Variants in WTAP observed in about 807,000 individuals in gnomAD.
WTAP encodes the protein WT1 associated protein.
Under a neutral mutation model 50.0 loss-of-function variants are expected in WTAP, and 8 were observed. The observed-to-expected ratio is 0.16, with a 90% CI of 0.09 to 0.29. The LOEUF (loss-of-function observed/expected upper bound fraction) is 0.29, where lower values mean the gene tolerates loss of function less well. Ranked by LOEUF, WTAP falls within the 10% of genes least tolerant of loss-of-function variation. The probability of loss-of-function intolerance (pLI) is 1.00; values close to 1 mark genes in which losing one functional copy is unlikely to be tolerated. For missense variants in WTAP, 295 were observed against 470.7 expected, an observed-to-expected ratio of 0.63 and a Z score of 3.45; for synonymous variants, 194 against 169.0, an observed-to-expected ratio of 1.15 and a Z score of -1.15.
At chr6:159,741,433 A>G (rs1037424374) in intron 3 of WTAP, among the ~76,000 whole-genome samples, 4 of 152,328 alleles carry the variant, frequency 2.6e-5, no homozygotes, top group Middle Eastern at 3.4e-3. Flanking sequence ...AGAACCTTCA[A>G]TTCTACATAA....
At chr6:159,726,881 G>A (rs1349807716), upstream of WTAP, 25 of 1,289,076 alleles carry the variant, frequency 1.9e-5, no homozygotes, top group Middle Eastern at 2.1e-4. Flanking sequence ...GTAAACGCCC[G>A]CGGCTCGCCG....
rs59155073 is a variant in WTAP, at chr6:159,736,450, A to G, written c.30+155A>G. The G allele has an allele frequency of 0.04, 24,445 of 609,076 alleles. 1,040 individuals carry two copies. Among genetic ancestry groups the G allele is most frequent in the African/African-American group, 0.15 (8,061 of 54,280 alleles). The allele number at this position is 609,076 out of a possible 1,614,324, so 37.7% of individuals were successfully genotyped here. A position where few individuals can be genotyped will look rare whatever the true frequency, so the allele number is the denominator to read the frequency against. On this transcript the variant is annotated intron_variant, in intron 2 of 7. Coordinates refer to ENST00000621533, the MANE Select transcript of WTAP (RefSeq NM_001270531.2). Reference sequence around the variant, plus strand: ...AACAATAATAGCATTGGAGTTGTACAGTGTGCCAGATATTGTATCTTATAT... The same window carrying G: ...AACAATAATAGCATTGGAGTTGTACGGTGTGCCAGATATTGTATCTTATAT...
chr6:159,731,141 AAAAAAAAG>A (rs528180055), intron 1 of WTAP, among the ~76,000 whole-genome samples: 240 of 151,416 alleles, frequency 1.6e-3, no homozygotes, highest in African/African-American at 5.5e-3. Flanking sequence ...ACTACGTCTC[AAAAAAAAG>A]AAAAAAAGAA....
In WTAP at chr6:159,735,440, G is replaced by A. The variant is rs547117762; in HGVS notation, c.-8-818G>A. On this transcript the variant is annotated intron_variant, in intron 1 of 7. Transcript: ENST00000621533. ...AGTCGTGAGCCATCACGCCCAACCA[G>A]TGTAACATATATTTTAAAATATGTA... is the stretch of plus-strand genomic sequence containing the variant. 7.0e-4 allele frequency among the ~76,000 whole-genome samples: 107 copies of A among 152,286 alleles called. 1 individual carries two copies. Among genetic ancestry groups the A allele is most frequent in the African/African-American group, 2.6e-3 (107 of 41,562 alleles).
chr6:159,730,657 G>A (rs1021928945), intron 1 of WTAP, among the ~76,000 whole-genome samples: 5 of 152,208 alleles, frequency 3.3e-5, no homozygotes, highest in African/African-American at 1.2e-4. Context: ...CTTTTCATCA[G>A]ATTAAAGTTG....
intron 5 of WTAP, chr6:159,745,145 A>G (rs1397972557): frequency 2.6e-5 from 4 of 152,210 alleles, no homozygotes; most frequent in Admixed American, 1.3e-4. Context: ...GACTGCTAGC[A>G]CTTGGGAGAT....
At chr6:159,738,551 T>A (rs1779057581) in intron 2 of WTAP, among the ~76,000 whole-genome samples, 1 of 152,236 alleles carries the variant, frequency 6.6e-6, no homozygotes, top group Admixed American at 6.5e-5. Flanking sequence ...CATGTTTTCA[T>A]TTCTTTGAGA....
At position 159,755,791 on chromosome 6, in the gene WTAP, G is replaced by C. The variant is rs1444545373; in HGVS notation, c.*180G>C. On this transcript the variant is annotated 3_prime_UTR_variant, in exon 8 of 8. Coordinates refer to ENST00000621533, the MANE Select transcript of WTAP (RefSeq NM_001270531.2). ...TTTTTTTTTTTTTTTTTTTTTTTTT[G>C]CTTCAATACTTCTGCCGCTTTGGAA... 3 of 419,552 alleles carry C rather than the reference G, an allele frequency of 7.2e-6. No homozygotes were observed. The highest frequency in any genetic ancestry group is 7.5e-5 in the African/African-American group (1 of 13,368). 26.0% of individuals were successfully genotyped at this position (419,552 alleles called of 1,614,324 possible). A position where few individuals can be genotyped will look rare whatever the true frequency, so the allele number is the denominator to read the frequency against.
At chr6:159,727,118 G>A (rs572165912), upstream of WTAP, 3 of 1,193,676 alleles carry the variant, frequency 2.5e-6, no homozygotes, top group African/African-American at 1.6e-5. Flanking sequence ...CCCCTCGGCC[G>A]CTTCCCTTAC....
intron 6 of WTAP, chr6:159,749,395 A>T: frequency 1.0e-6 from 1 of 983,906 alleles, no homozygotes; most frequent in African/African-American, 1.8e-5. Flanking sequence ...TGCACTCTTG[A>T]TATTAAATTA....
At chr6:159,746,558 A>G (rs899301314) in intron 5 of WTAP, among the ~76,000 whole-genome samples, 4 of 152,204 alleles carry the variant, frequency 2.6e-5, no homozygotes, top group Non-Finnish European at 5.9e-5. Flanking sequence ...CTTTGTCTAC[A>G]TGCAGTCTTT....
At chr6:159,730,426 T>C (rs1461114047) in intron 1 of WTAP, among the ~76,000 whole-genome samples, 1 of 152,176 alleles carries the variant, frequency 6.6e-6, no homozygotes, top group Non-Finnish European at 1.5e-5. Flanking sequence ...TTTAGGTTAT[T>C]GTGTTTGTCA....
chr6:159,755,674 T>G lies in WTAP; in HGVS notation c.*63T>G, dbSNP rs1562469407. The stretch of plus-strand genomic sequence containing the variant: ...TTGGGAGAGGATACTGTCCAGAAAA[T>G]TAATGCATACTTTTGTCACAATTTG... On this transcript the variant is annotated 3_prime_UTR_variant, in exon 8 of 8. Transcript: ENST00000621533. 12 of 1,399,004 alleles carry G rather than the reference T, an allele frequency of 8.6e-6. No homozygotes were observed. Among genetic ancestry groups the G allele is most frequent in the Non-Finnish European group, 1.1e-5 (12 of 1,077,364 alleles). 86.7% of individuals were successfully genotyped at this position (1,399,004 alleles called of 1,614,324 possible). A position where few individuals can be genotyped will look rare whatever the true frequency, so the allele number is the denominator to read the frequency against.
chr6:159,742,177 G>A, intron 4 of WTAP, 31 bp downstream of exon 4: 1 of 1,520,950 alleles, frequency 6.6e-7, no homozygotes, highest in Non-Finnish European at 9.0e-7. Flanking sequence ...CCTAAAGACT[G>A]AATAATCTCC....
intron 5 of WTAP, among the ~76,000 whole-genome samples, chr6:159,745,965 T>C (rs184990501): frequency 1.8e-4 from 27 of 152,080 alleles, no homozygotes; most frequent in Admixed American, 1.0e-3. Flanking sequence ...TTGTCTTGTT[T>C]GACTGAGTAA....
intron 3 of WTAP, 129 bp downstream of exon 3, chr6:159,739,174 T>C: frequency 2.8e-6 from 2 of 719,118 alleles, no homozygotes; most frequent in Non-Finnish European, 4.3e-6. Flanking sequence ...TAATGTACTT[T>C]TTGAGCATAC....
At chr6:159,746,107 A>G (rs1476097200) in intron 5 of WTAP, among the ~76,000 whole-genome samples, 2 of 152,236 alleles carry the variant, frequency 1.3e-5, no homozygotes, top group African/African-American at 4.8e-5. Flanking sequence ...AAAGGCATAC[A>G]TAAAGTTCTG....
At chr6:159,753,086 T>G (rs563934200) in intron 6 of WTAP, among the ~76,000 whole-genome samples, 5 of 152,362 alleles carry the variant, frequency 3.3e-5, no homozygotes, top group African/African-American at 1.2e-4. Flanking sequence ...AGAACTTTTC[T>G]GATAAAGCGC....
At chr6:159,732,872 C>T (rs992877491) in intron 1 of WTAP, among the ~76,000 whole-genome samples, 1 of 123,334 alleles carries the variant, frequency 8.1e-6, no homozygotes, top group Admixed American at 8.0e-5. Flanking sequence ...CTCTCTCTCT[C>T]TGTATATATA....
Sources: gnomAD v4.1 joint callset for allele counts (sites outside exome capture counted in the v4.1 genomes callset) on GRCh38, gnomAD v4.1.1 for gene constraint, MANE v1.5 for transcripts, NCBI Gene and HGNC (gene_info 2026-07-23, HGNC 2026-07-21) for gene names.